NEBL: variants seen among roughly 807,000 people sequenced by gnomAD.
NEBL encodes the protein LIM and SH3 protein 2.
In NEBL, 122 loss-of-function variants were observed where a neutral mutation model predicts 140.2. The observed-to-expected ratio is 0.87, with a 90% CI of 0.75 to 1.01. NEBL has a LOEUF of 1.01. Ranked by LOEUF, NEBL falls within the 50% of genes least tolerant of loss-of-function variation. The pLI is 0.00. For synonymous variants in NEBL, 436 were observed against 398.9 expected, an observed-to-expected ratio of 1.09 and a Z score of -1.11; for missense variants, 1,365 against 1,231.3, an observed-to-expected ratio of 1.11 and a Z score of -1.62.
chr10:21,242,076 C>A (rs1842447058), intron 3 of NEBL, among the ~76,000 whole-genome samples: 2 of 152,090 alleles, frequency 1.3e-5, no homozygotes, highest in Non-Finnish European at 2.9e-5. Context: ...GTGGCACACA[C>A]CTGTGGTCCC....
At chr10:20,807,034 A>T (rs1026596504) in intron 26 of NEBL, among the ~76,000 whole-genome samples, 1 of 152,228 alleles carries the variant, frequency 6.6e-6, no homozygotes, top group Non-Finnish European at 1.5e-5. Flanking sequence ...GTCCAAAAAA[A>T]GTAATCAGAG....
intron 4 of NEBL, among the ~76,000 whole-genome samples, chr10:20,957,064 C>T (rs1835840551): frequency 6.6e-6 from 1 of 152,158 alleles, no homozygotes; most frequent in Non-Finnish European, 1.5e-5. Context: ...CAAACAGAGA[C>T]CAAATCCCTA....
At chr10:21,104,874 C>T (rs568407173) in intron 2 of NEBL, among the ~76,000 whole-genome samples, 4 of 152,220 alleles carry the variant, frequency 2.6e-5, no homozygotes, top group Admixed American at 6.5e-5. Context: ...TGTAGATGCC[C>T]GATATCAGGA....
chr10:20,924,563 G>A (rs898861606), intron 4 of NEBL, among the ~76,000 whole-genome samples: 2 of 149,814 alleles, frequency 1.3e-5, no homozygotes, highest in African/African-American at 2.5e-5. Flanking sequence ...TAAGCACCAA[G>A]CACATAACTA....
intron 19 of NEBL, among the ~76,000 whole-genome samples, chr10:20,821,334 T>C (rs1255693620): frequency 6.6e-6 from 1 of 152,182 alleles, no homozygotes; most frequent in Non-Finnish European, 1.5e-5. Flanking sequence ...AAGAGGTGAA[T>C]GGCTTACAAC....
At chr10:20,835,729 G>A (rs1840826819) in intron 13 of NEBL, 106 bp from the exon 14 acceptor site, 5 of 809,296 alleles carry the variant, frequency 6.2e-6, no homozygotes, top group South Asian at 1.4e-5. Flanking sequence ...TACAAAAGAG[G>A]TAACAAAGCT....
At chr10:21,277,865 C>T (rs147998968) in intron 1 of NEBL, among the ~76,000 whole-genome samples, 1 of 152,264 alleles carries the variant, frequency 6.6e-6, no homozygotes, top group Admixed American at 6.5e-5. Flanking sequence ...AGGTGTTAGG[C>T]AGGCTGGCCT....
upstream of NEBL, among the ~76,000 whole-genome samples, chr10:20,901,584 A>G (rs548721793): frequency 2.2e-4 from 32 of 147,042 alleles, no homozygotes; most frequent in Admixed American, 1.1e-3. Flanking sequence ...GAGTGGGGGG[A>G]AAAAAGTACA....
chr10:20,848,386 T>G (rs902598792), intron 11 of NEBL, among the ~76,000 whole-genome samples: 1 of 152,136 alleles, frequency 6.6e-6, no homozygotes, highest in East Asian at 1.9e-4. Flanking sequence ...AATAACTAAT[T>G]TAATCAAAAT....
At chr10:21,188,846 T>C (rs1193795035) in intron 3 of NEBL, among the ~76,000 whole-genome samples, 1 of 152,074 alleles carries the variant, frequency 6.6e-6, no homozygotes, top group African/African-American at 2.4e-5. Flanking sequence ...AACCTCAGCC[T>C]CCCAAAGTGC....
At chr10:20,823,389 T>G in intron 18 of NEBL, 89 bp from the exon 19 acceptor site, 1 of 922,820 alleles carries the variant, frequency 1.1e-6, no homozygotes, top group Non-Finnish European at 1.6e-6. Flanking sequence ...TATTGCATAA[T>G]TGAATTTTAT....
intron 9 of NEBL, among the ~76,000 whole-genome samples, chr10:20,855,638 T>G (rs1400823350): frequency 6.6e-6 from 1 of 152,016 alleles, no homozygotes; most frequent in African/African-American, 2.4e-5. Context: ...ATACACGGAG[T>G]AACACAAAAT....
intron 2 of NEBL, among the ~76,000 whole-genome samples, chr10:21,023,547 T>C (rs951329311): frequency 6.6e-6 from 1 of 151,700 alleles, no homozygotes; most frequent in Non-Finnish European, 1.5e-5. Flanking sequence ...TACAAAAAAA[T>C]AGCCAGGCAT....
intron 2 of NEBL, among the ~76,000 whole-genome samples, chr10:21,251,674 C>G (rs1403703223): frequency 6.6e-6 from 1 of 151,966 alleles, no homozygotes; most frequent in Non-Finnish European, 1.5e-5. Context: ...TTGAGAAGCT[C>G]CACTCTCATG....
At chr10:21,234,097 G>A (rs1002255051) in intron 3 of NEBL, among the ~76,000 whole-genome samples, 2 of 151,448 alleles carry the variant, frequency 1.3e-5, no homozygotes, top group Non-Finnish European at 2.9e-5. Context: ...TTTAGGACTG[G>A]ACTGGACTGG....
chr10:20,898,861 G>C (rs1044334562), upstream of NEBL, among the ~76,000 whole-genome samples: 1 of 151,964 alleles, frequency 6.6e-6, no homozygotes, highest in Non-Finnish European at 1.5e-5. Context: ...TGTGAAATAT[G>C]ACCGACTGCT....
intron 3 of NEBL, among the ~76,000 whole-genome samples, chr10:20,986,538 G>T (rs1270468962): frequency 6.6e-6 from 1 of 152,106 alleles, no homozygotes. Flanking sequence ...CCTAAATAAT[G>T]GCTAAAGAAG....
intron 26 of NEBL, among the ~76,000 whole-genome samples, chr10:20,789,853 T>A (rs184976104): frequency 0.016 from 2,463 of 149,486 alleles, 36 homozygotes; most frequent in Non-Finnish European, 0.021. Context: ...ATCTCAAATT[T>A]TATATATATA....
At chr10:20,815,965 GCCATGTTGTCCAA>G in intron 21 of NEBL, 23 of 453,348 alleles carry the variant, frequency 5.1e-5, no homozygotes, top group Non-Finnish European at 7.3e-5. Flanking sequence ...ATTGAGTTTT[GCCATGTTGTCCAA>G]GCTGACCTGA....
Sources: gnomAD v4.1 joint callset for allele counts (sites outside exome capture counted in the v4.1 genomes callset) on GRCh38, gnomAD v4.1.1 for gene constraint, MANE v1.5 for transcripts, NCBI Gene and HGNC (gene_info 2026-07-23, HGNC 2026-07-21) for gene names.